Variants in SRGAP1 observed in about 807,000 individuals in gnomAD.
SRGAP1 encodes the protein SLIT-ROBO Rho GTPase-activating protein 1.
SRGAP1 carries 43 observed loss-of-function variants against 121.9 expected under a neutral mutation model. The ratio of observed to expected loss-of-function variants is 0.35; its 90% CI spans 0.28 to 0.46. SRGAP1 has a LOEUF of 0.46. Among genes scored for constraint, SRGAP1 ranks in the 20% least tolerant of loss-of-function variants. The probability of loss-of-function intolerance (pLI) is 1.00; values close to 1 mark genes in which losing one functional copy is unlikely to be tolerated. For missense variants in SRGAP1, 1,102 were observed against 1,350.9 expected (o/e 0.82, Z 2.89); for synonymous variants, 447 against 485.4 (o/e 0.92, Z 1.04).
intron 4 of SRGAP1, among the ~76,000 whole-genome samples, chr12:64,026,592 C>T (rs2034656940): frequency 1.3e-5 from 2 of 152,212 alleles, no homozygotes; most frequent in African/African-American, 2.4e-5. Context: ...AAGAACCAGG[C>T]GCAGTGGCTC....
rs1466363026 is a variant in SRGAP1, at chr12:63,963,771, AG to A, written c.68-20175del. Among the ~76,000 whole-genome samples the A allele has an allele frequency of 2.8e-5, 4 of 141,706 alleles. No homozygotes were observed. The Admixed American group carries it at 2.9e-4, about 10-fold the overall frequency. The allele number at this position is 141,706 out of a possible 152,430, so 93.0% of individuals were successfully genotyped here. ...GAGCAACTTTTTAAGCTCCCTCATG[AG>A]TAACATTTTAGAAGTAAAAAAAAAT... On this transcript the variant is annotated intron_variant, in intron 1 of 21. Coordinates refer to ENST00000355086, the MANE Select transcript of SRGAP1 (RefSeq NM_020762.4).
chr12:63,966,295 A>G (rs142162263), intron 1 of SRGAP1, among the ~76,000 whole-genome samples: 257 of 152,320 alleles, frequency 1.7e-3, no homozygotes, highest in African/African-American at 5.8e-3. Context: ...ATGAGGCTCT[A>G]TATTTGAACT....
chr12:63,922,776 A>G (rs563108569), intron 1 of SRGAP1, among the ~76,000 whole-genome samples: 3 of 152,340 alleles, frequency 2.0e-5, no homozygotes, highest in Non-Finnish European at 2.9e-5. Context: ...GAGGGAAGAA[A>G]CATTGCCATT....
chr12:64,021,656 C>A (rs1021044189), intron 4 of SRGAP1, among the ~76,000 whole-genome samples: 5 of 152,152 alleles, frequency 3.3e-5, no homozygotes, highest in Non-Finnish European at 5.9e-5. Flanking sequence ...TAAATAAGAT[C>A]TCTAAATGTT....
chr12:64,040,362 T>G (rs567842846), intron 4 of SRGAP1, among the ~76,000 whole-genome samples: 10 of 152,342 alleles, frequency 6.6e-5, no homozygotes, highest in African/African-American at 2.2e-4. Context: ...AAATTGGCTC[T>G]GAGTAACGTG....
At chr12:64,014,208 A>G (rs2034338286) in intron 3 of SRGAP1, among the ~76,000 whole-genome samples, 1 of 152,214 alleles carries the variant, frequency 6.6e-6, no homozygotes, top group Admixed American at 6.5e-5. Context: ...ACTTCACCTT[A>G]GGCATTCTGA....
chr12:64,044,930 TCAGCCTC>T (rs2035097563), intron 6 of SRGAP1, among the ~76,000 whole-genome samples: 1 of 152,024 alleles, frequency 6.6e-6, no homozygotes, highest in African/African-American at 2.4e-5. Context: ...TCCACCTGCC[TCAGCCTC>T]CAGAAGAGCT....
intron 1 of SRGAP1, chr12:63,879,528 T>A (rs371910391): frequency 8.7e-4 from 133 of 152,284 alleles, no homozygotes; most frequent in African/African-American, 3.1e-3. Flanking sequence ...AATAATGAGA[T>A]CCAATAAACA....
chr12:64,147,362 C>CCA lies in SRGAP1; in HGVS notation c.*4692_*4693dup. 1 of 249,486 alleles carries CCA rather than the reference C, an allele frequency of 4.0e-6. No homozygotes were observed. The highest frequency in any genetic ancestry group is 2.3e-5 in the African/African-American group (1 of 42,850). 15.5% of individuals were successfully genotyped at this position (249,486 alleles called of 1,614,324 possible). A position where few individuals can be genotyped will look rare whatever the true frequency, so the allele number is the denominator to read the frequency against. On this transcript the variant is annotated 3_prime_UTR_variant, in exon 22 of 22. Transcript: ENST00000355086. ...CGTTGCCCCGCTCTGTGCCCCACCC[C>CCA]CACCTCCTCCTCCCAATTCCTGCTG...
intron 1 of SRGAP1, among the ~76,000 whole-genome samples, chr12:63,951,745 T>C (rs1035007417): frequency 6.6e-6 from 1 of 152,248 alleles, no homozygotes; most frequent in Non-Finnish European, 1.5e-5. Context: ...GTTGATGGAA[T>C]GAAGACAAAC....
intron 11 of SRGAP1, among the ~76,000 whole-genome samples, chr12:64,088,458 A>G (rs1193689485): frequency 6.6e-6 from 1 of 152,216 alleles, no homozygotes; most frequent in Non-Finnish European, 1.5e-5. Context: ...ATAATTGCCA[A>G]ATAGACTAGA....
At chr12:63,978,396 C>T (rs1164367302) in intron 1 of SRGAP1, among the ~76,000 whole-genome samples, 1 of 152,168 alleles carries the variant, frequency 6.6e-6, no homozygotes, top group Non-Finnish European at 1.5e-5. Context: ...CTAGGCAACC[C>T]CTAATCTACT....
chr12:63,914,023 A>G (rs1486850404), intron 1 of SRGAP1, among the ~76,000 whole-genome samples: 1 of 152,162 alleles, frequency 6.6e-6, no homozygotes, highest in Non-Finnish European at 1.5e-5. Context: ...CCTAAGGGCA[A>G]AGTCCCTCTT....
chr12:64,026,444 G>T (rs966032975), intron 4 of SRGAP1, among the ~76,000 whole-genome samples: 2 of 152,148 alleles, frequency 1.3e-5, no homozygotes, highest in African/African-American at 2.4e-5. Context: ...CTCTAAATCA[G>T]TTGTTATCAG....
chr12:64,011,134 G>T (rs2034240395), intron 3 of SRGAP1, among the ~76,000 whole-genome samples: 1 of 151,980 alleles, frequency 6.6e-6, no homozygotes, highest in African/African-American at 2.4e-5. Context: ...CTGAAGGATG[G>T]GGTGTGGGAT....
rs1046015895 is a variant in SRGAP1 at position 64,128,078 on chromosome 12, A to T, written c.2758A>T (p.Asn920Tyr). The T allele has an allele frequency of 6.2e-6, 10 of 1,614,036 alleles. No homozygotes were observed. Among genetic ancestry groups the T allele is most frequent in the Non-Finnish European group, 8.5e-6 (10 of 1,180,026 alleles). Residue 920 changes from asparagine to tyrosine, a missense_variant, in exon 21 of 22, where the codon AAC becomes TAC. Physicochemically the swap from Asn to Tyr is moderately radical, Grantham distance 143 (BLOSUM62 -2). Coordinates refer to ENST00000355086, the MANE Select transcript of SRGAP1 (RefSeq NM_020762.4). ...RRRPGHGSLT[N>Y]ISRHDSLKKI... ...CAGGCCTGGCCATGGCAGCCTGACC[A>T]ACATCAGCCGGCACGACTCCCTCAA...
At chr12:64,015,701 C>T (rs1470119707) in intron 3 of SRGAP1, among the ~76,000 whole-genome samples, 1 of 152,192 alleles carries the variant, frequency 6.6e-6, no homozygotes, top group East Asian at 1.9e-4. Context: ...ATTCTGCATT[C>T]TTGGTGCCCA....
chr12:63,992,354 T>C (rs2033577041), intron 3 of SRGAP1, among the ~76,000 whole-genome samples: 1 of 152,166 alleles, frequency 6.6e-6, no homozygotes, highest in Non-Finnish European at 1.5e-5. Flanking sequence ...ATTCCAGAGA[T>C]TCAAGAGCAG....
chr12:63,975,262 C>T (rs1411424928), intron 1 of SRGAP1, among the ~76,000 whole-genome samples: 15 of 152,120 alleles, frequency 9.9e-5, no homozygotes, highest in Non-Finnish European at 7.4e-5. Flanking sequence ...TCAGACACTC[C>T]GTATTCTGTA....
Sources: gnomAD v4.1 joint callset for allele counts (sites outside exome capture counted in the v4.1 genomes callset) on GRCh38, gnomAD v4.1.1 for gene constraint, MANE v1.5 for transcripts, NCBI Gene and HGNC (gene_info 2026-07-23, HGNC 2026-07-21) for gene names.